The following IL3RA variants were observed in gnomAD, a reference collection of about 807,000 sequenced individuals.
IL3RA encodes interleukin-3 receptor subunit alpha.
A neutral mutation model predicts 52.3 loss-of-function variants in IL3RA; 73 were observed. That is an observed-to-expected ratio of 1.40 (90% confidence interval 1.16 to 1.70). The LOEUF (loss-of-function observed/expected upper bound fraction) is 1.70. Ranked by LOEUF, IL3RA falls within the 40% of genes most tolerant of loss-of-function variation. The pLI is 0.00. For missense variants in IL3RA, 664 were observed against 504.4 expected (o/e 1.32, Z -3.03); for synonymous variants, 260 against 194.0 (o/e 1.34, Z -2.83).
Position 1,352,193 on chromosome X carries a change from C to A in IL3RA, c.392C>A (p.Pro131His), listed in dbSNP as rs766158985. 1 of 1,613,754 alleles carries A rather than the reference C, an allele frequency of 6.2e-7. No individual in the cohort carries two copies. Among genetic ancestry groups the A allele is most frequent in the Admixed American group, 1.7e-5 (1 of 60,006 alleles). Residue 131 changes from proline to histidine, a missense_variant, in exon 5 of 12, where the codon CCC becomes CAC. By Grantham distance (77) the Pro-to-His change is moderately conservative. Coordinates refer to ENST00000331035, the MANE Select transcript of IL3RA (RefSeq NM_002183.4). ...SCSWAVGPGA[P>H]ADVQYDLYLN... ...AGCTGGGCGGTAGGCCCGGGGGCCCCCGCGGACGTCCAGTACGACCTGTAC... is the reference window on the plus strand; with the variant it reads ...AGCTGGGCGGTAGGCCCGGGGGCCCACGCGGACGTCCAGTACGACCTGTAC...
rs866993433 is a variant in IL3RA at position 1,367,752 on chromosome X, A to C, written c.874+2500A>C. Among the ~76,000 whole-genome samples the C allele has an allele frequency of 4.3e-3, 459 of 105,742 alleles. 8 individuals are homozygous for C. Among genetic ancestry groups the C allele is most frequent in the African/African-American group, 0.017 (435 of 26,140 alleles). 69.4% of individuals were successfully genotyped at this position (105,742 alleles called of 152,430 possible). A position where few individuals can be genotyped will look rare whatever the true frequency, so the allele number is the denominator to read the frequency against. On this transcript the variant is annotated intron_variant, in intron 9 of 11. Transcript: ENST00000331035. ...CCGGGTGAGCGGGGTGCGCGGGGTG[A>C]GCGGGGTGCGCCGGGTGAGCGGGGT...
At chrX:1,356,482 A>C in intron 7 of IL3RA, 146 bp downstream of exon 7, 3 of 625,268 alleles carry the variant, frequency 4.8e-6, no homozygotes, top group Non-Finnish European at 8.6e-6. Flanking sequence ...AAAAACAAAA[A>C]CAAAAGGCCG....
At position 1,382,615 on chromosome X, in the gene IL3RA, C is replaced by T; in HGVS notation, c.*150C>T. The stretch of plus-strand genomic sequence containing the variant: ...ATGGGAGATGCCTGTGTAATTTCGT[C>T]CGAAGCTGCCAGGAAGAAGAACAGA... On this transcript the variant is annotated 3_prime_UTR_variant, in exon 12 of 12. Transcript: ENST00000331035. 1.4e-6 allele frequency: 1 copy of T among 705,726 alleles called. No individual in the cohort carries two copies. Among genetic ancestry groups the T allele is most frequent in the Admixed American group, 2.4e-5 (1 of 41,222 alleles). The allele number at this position is 705,726 out of a possible 1,614,324, so 43.7% of individuals were successfully genotyped here. A position where few individuals can be genotyped will look rare whatever the true frequency, so the allele number is the denominator to read the frequency against.
chrX:1,342,408 C>T (rs187544244), intron 2 of IL3RA, among the ~76,000 whole-genome samples: 9 of 152,074 alleles, frequency 5.9e-5, no homozygotes, highest in East Asian at 5.8e-4. Flanking sequence ...ACAAGTGATC[C>T]GTCTGCCTTG....
Position 1,357,946 on chromosome X carries a change from C to CAA in IL3RA, c.733-907_733-906dup, listed in dbSNP as rs766281782. Among the ~76,000 whole-genome samples, 66 of 148,336 alleles carry CAA rather than the reference C, an allele frequency of 4.4e-4. No individual in the cohort carries two copies. In the East Asian group the frequency reaches 7.9e-3, roughly 18 times the overall value. ...TAAAACCCCGTCTCTACTAAAAATACAAAAAAAAATTAGCTGGGCGTGGTG... is the reference window on the plus strand; with the variant it reads ...TAAAACCCCGTCTCTACTAAAAATACAAAAAAAAAAATTAGCTGGGCGTGGTG... On this transcript the variant is annotated intron_variant, in intron 7 of 11. Transcript: ENST00000331035.
At chrX:1,378,200 AAAAAG>A (rs1603449243) in intron 9 of IL3RA, among the ~76,000 whole-genome samples, 1 of 141,908 alleles carries the variant, frequency 7.0e-6, no homozygotes, top group Non-Finnish European at 1.5e-5. Context: ...AAAAAAAAAG[AAAAAG>A]AAAAAGAAAA....
At chrX:1,380,076 T>G (rs1358478915) in intron 10 of IL3RA, among the ~76,000 whole-genome samples, 1 of 151,442 alleles carries the variant, frequency 6.6e-6, no homozygotes, top group African/African-American at 2.4e-5. Context: ...GTATTTTCAG[T>G]AGAGACGGAG....
chrX:1,364,585 C>T (rs2087760106), intron 8 of IL3RA, among the ~76,000 whole-genome samples: 1 of 151,950 alleles, frequency 6.6e-6, no homozygotes, highest in South Asian at 2.1e-4. Flanking sequence ...ATCCCCCCAC[C>T]TCAGCCTCCC....
intron 7 of IL3RA, among the ~76,000 whole-genome samples, chrX:1,358,000 G>A (rs2086869593): frequency 6.6e-6 from 1 of 151,666 alleles, no homozygotes; most frequent in Non-Finnish European, 1.5e-5. Context: ...AGCTACTTGG[G>A]AGGCTGAGGC....
At chrX:1,357,762 A>G (rs1170316012) in intron 7 of IL3RA, among the ~76,000 whole-genome samples, 1 of 150,092 alleles carries the variant, frequency 6.7e-6, no homozygotes, top group Admixed American at 6.7e-5. Context: ...TTTCTTTTAT[A>G]TTACCAAGTG....
At chrX:1,350,097 C>T (rs1197561798) in intron 4 of IL3RA, among the ~76,000 whole-genome samples, 16 of 152,174 alleles carry the variant, frequency 1.1e-4, no homozygotes, top group Non-Finnish European at 2.2e-4. Flanking sequence ...AGAAAACAGT[C>T]TCCTGGGTTG....
chrX:1,365,745 G>C (rs1357265084), intron 9 of IL3RA, among the ~76,000 whole-genome samples: 2 of 32,848 alleles, frequency 6.1e-5, no homozygotes, highest in East Asian at 9.0e-4. Flanking sequence ...CGGGGTGAGC[G>C]GGGTGCGCGG....
At chrX:1,364,793 T>C (rs2087782260) in intron 8 of IL3RA, among the ~76,000 whole-genome samples, 1 of 143,730 alleles carries the variant, frequency 7.0e-6, no homozygotes, top group Admixed American at 7.0e-5. Context: ...TTTCTTCTTT[T>C]ATTTATTTAT....
At position 1,370,847 on chromosome X, in the gene IL3RA, T is replaced by A. The variant is rs771823267; in HGVS notation, c.874+5595T>A. Among the ~76,000 whole-genome samples, 80 of 66,364 alleles carry A rather than the reference T, an allele frequency of 1.2e-3. 19 individuals carry two copies. The highest frequency in any genetic ancestry group is 1.3e-3 in the Non-Finnish European group (48 of 37,118). The allele number at this position is 66,364 out of a possible 152,430, so 43.5% of individuals were successfully genotyped here. On this transcript the variant is annotated intron_variant, in intron 9 of 11. Coordinates refer to ENST00000331035, the MANE Select transcript of IL3RA (RefSeq NM_002183.4). ...CATCTCCAAGCCCAGGAGAGGGGCCTCAGGAGGAACCAGCACTGCCCACAC... is the reference window on the plus strand; with the variant it reads ...CATCTCCAAGCCCAGGAGAGGGGCCACAGGAGGAACCAGCACTGCCCACAC...
Position 1,378,711 on chromosome X carries a change from G to C in IL3RA, c.927G>C (p.Leu309=), listed in dbSNP as rs753602304. 1.2e-6 allele frequency: 2 copies of C among 1,612,728 alleles called. No homozygotes were observed. The highest frequency in any genetic ancestry group is 1.7e-6 in the Non-Finnish European group (2 of 1,179,854). ...ANTRAWRTSL[L]IALGTLLALV... ...CACGTGCCTGGCGGACGTCGCTGCT[G>C]ATCGCGCTGGGGACGCTGCTGGCCC... Residue 309 remains leucine (L), a synonymous_variant, in exon 10 of 12, where the codon CTG becomes CTC. Coordinates refer to ENST00000331035, the MANE Select transcript of IL3RA (RefSeq NM_002183.4).
intron 4 of IL3RA, among the ~76,000 whole-genome samples, chrX:1,349,274 C>T (rs1401745447): frequency 1.3e-4 from 20 of 151,590 alleles, no homozygotes; most frequent in East Asian, 3.9e-4. Flanking sequence ...CTCTGGCTCC[C>T]GGGTTCAAGC....
chrX:1,356,246 T>C lies in IL3RA; in HGVS notation c.642T>C (p.Thr214=). 6.2e-7 allele frequency: 1 copy of C among 1,613,034 alleles called. No individual in the cohort carries two copies. Among genetic ancestry groups the C allele is most frequent in the Non-Finnish European group, 8.5e-7 (1 of 1,179,166 alleles). ...AGATATTAACTCCACCCAACATGAC[T>C]GCAAAGTGTAATAAGACACATTCCT... The part of the protein sequence containing the change: ...QIEILTPPNM[T]AKCNKTHSFM... The change falls in exon 7 of 12, where the codon ACT becomes ACC. Residue 214 remains threonine (T), a synonymous_variant. Coordinates refer to ENST00000331035, the MANE Select transcript of IL3RA (RefSeq NM_002183.4).
At position 1,356,202 on chromosome X, in the gene IL3RA, G is replaced by C. The variant is rs763326101; in HGVS notation, c.617-19G>C. 12 of 1,437,780 alleles carry C rather than the reference G, an allele frequency of 8.3e-6. No homozygotes were observed. The highest frequency in any genetic ancestry group is 4.6e-5 in the East Asian group (2 of 43,522). The allele number at this position is 1,437,780 out of a possible 1,614,324, so 89.1% of individuals were successfully genotyped here. A position where few individuals can be genotyped will look rare whatever the true frequency, so the allele number is the denominator to read the frequency against. ...TTTCTTGTACTCCTAAATCCTAAAA[G>C]TGTTTTTCTCGTTGCTAGAGATATT... On this transcript the variant is annotated intron_variant, in intron 6 of 11. Coordinates refer to ENST00000331035, the MANE Select transcript of IL3RA (RefSeq NM_002183.4).
At position 1,363,490 on chromosome X, in the gene IL3RA, C is replaced by T. The variant is rs1313031397; in HGVS notation, c.760-1648C>T. Among the ~76,000 whole-genome samples the T allele has an allele frequency of 1.8e-4, 27 of 150,668 alleles. 1 individual carries two copies. The highest frequency in any genetic ancestry group is 5.7e-4 in the African/African-American group (23 of 40,622). On this transcript the variant is annotated intron_variant, in intron 8 of 11. Transcript: ENST00000331035. ...TAATTTTTTGTATTTTTAGTAGAGACGGGGTTTCACTGTGGTCTCGATCTC... is the reference window on the plus strand; with the variant it reads ...TAATTTTTTGTATTTTTAGTAGAGATGGGGTTTCACTGTGGTCTCGATCTC...
Sources: allele counts gnomAD v4.1 joint callset (sites outside exome capture counted in the v4.1 genomes callset), GRCh38; gene constraint gnomAD v4.1.1; transcripts MANE v1.5; gene names NCBI Gene and HGNC (gene_info 2026-07-23, HGNC 2026-07-21).